Variants in RNF180 observed in about 807,000 individuals in gnomAD.
RNF180 encodes the protein ring finger protein 180, also known as E3 ubiquitin-protein ligase RNF180.
A neutral mutation model predicts 59.2 loss-of-function variants in RNF180; 38 were observed. That is an observed-to-expected ratio of 0.64 (90% CI 0.50 to 0.84). The LOEUF (loss-of-function observed/expected upper bound fraction) is 0.84. Ranked by LOEUF, RNF180 falls within the 40% of genes least tolerant of loss-of-function variation. The pLI is 0.00. For missense variants in RNF180, 705 were observed against 700.9 expected (o/e 1.01, Z -0.07); for synonymous variants, 262 against 240.3 (o/e 1.09, Z -0.84).
Position 64,256,634 on chromosome 5 carries a change from G to A in RNF180, c.1227+39238G>A, listed in dbSNP as rs560332424. Among the ~76,000 whole-genome samples the A allele has an allele frequency of 8.7e-4, 133 of 152,246 alleles. 1 individual carries two copies. The South Asian group carries it at 8.9e-3, about 10-fold the overall frequency. On this transcript the variant is annotated intron_variant, in intron 5 of 7. Transcript: ENST00000389100. ...GCAGTATAGTTTGAATTCAGGTAGC[G>A]TGATGCCTCCAGCTTTGTTCTTTTG...
chr5:64,264,476 C>A (rs1012759103), intron 5 of RNF180, among the ~76,000 whole-genome samples: 3 of 151,984 alleles, frequency 2.0e-5, no homozygotes, highest in Admixed American at 6.6e-5. Flanking sequence ...TGAGAACATG[C>A]AGTGTTTTGT....
At chr5:64,263,435 C>T (rs1380494276) in intron 5 of RNF180, among the ~76,000 whole-genome samples, 1 of 152,160 alleles carries the variant, frequency 6.6e-6, no homozygotes, top group Non-Finnish European at 1.5e-5. Flanking sequence ...TGAGTTGTCT[C>T]TAGCACATCC....
intron 5 of RNF180, among the ~76,000 whole-genome samples, chr5:64,295,578 G>C (rs574021607): frequency 6.6e-6 from 1 of 152,320 alleles, no homozygotes; most frequent in African/African-American, 2.4e-5. Flanking sequence ...TCCATGTCCT[G>C]ATACTTGTTC....
intron 7 of RNF180, among the ~76,000 whole-genome samples, chr5:64,331,301 TG>T (rs898983897): frequency 1.9e-4 from 29 of 152,320 alleles, no homozygotes; most frequent in African/African-American, 6.7e-4. Flanking sequence ...GACAGGTCCC[TG>T]GTAAAGCCCC....
intron 6 of RNF180, among the ~76,000 whole-genome samples, chr5:64,329,631 T>C (rs992262631): frequency 3.3e-5 from 5 of 152,024 alleles, no homozygotes; most frequent in African/African-American, 1.2e-4. Flanking sequence ...CTAATTTTTG[T>C]ATTTTTAGTA....
At chr5:64,194,982 G>A (rs1221871981) in intron 1 of RNF180, among the ~76,000 whole-genome samples, 1 of 152,106 alleles carries the variant, frequency 6.6e-6, no homozygotes, top group East Asian at 1.9e-4. Context: ...ATATATGTAT[G>A]TAAAATACCA....
chr5:64,325,590 T>G (rs1297030527), intron 6 of RNF180, among the ~76,000 whole-genome samples, 179 bp downstream of exon 6: 2 of 152,216 alleles, frequency 1.3e-5, no homozygotes, highest in Non-Finnish European at 2.9e-5. Flanking sequence ...TGAGAATAGA[T>G]CCTCATCTCG....
rs1746659828 is a variant in RNF180, at chr5:64,371,583, T to C, written c.*1769T>C. ...TAGGTCAGTGATACATATCAGTTTA[T>C]AGATCTCAGTCTACTAAATATTTAT... On this transcript the variant is annotated 3_prime_UTR_variant, in exon 8 of 8. Transcript: ENST00000389100. 1 of 151,612 alleles carries C rather than the reference T, an allele frequency of 6.6e-6. No homozygotes were observed. Among genetic ancestry groups the C allele is most frequent in the Admixed American group, 6.6e-5 (1 of 15,170 alleles). 9.4% of individuals were successfully genotyped at this position (151,612 alleles called of 1,614,324 possible).
intron 7 of RNF180, among the ~76,000 whole-genome samples, chr5:64,359,402 T>C (rs2112601067): frequency 6.6e-6 from 1 of 152,144 alleles, no homozygotes; most frequent in African/African-American, 2.4e-5. Flanking sequence ...TGAGCATTTT[T>C]TCATGTGTTT....
intron 5 of RNF180, among the ~76,000 whole-genome samples, chr5:64,310,882 C>A (rs891665677): frequency 6.6e-6 from 1 of 151,924 alleles, no homozygotes; most frequent in Non-Finnish European, 1.5e-5. Context: ...AACTCAGTCA[C>A]ATCAGTAATT....
At chr5:64,179,060 A>G (rs1750426997) in intron 1 of RNF180, among the ~76,000 whole-genome samples, 1 of 152,126 alleles carries the variant, frequency 6.6e-6, no homozygotes, top group South Asian at 2.1e-4. Flanking sequence ...CCCAATATAT[A>G]TCATACTTTT....
At chr5:64,335,455 ATTT>A (rs901332778) in intron 7 of RNF180, among the ~76,000 whole-genome samples, 2 of 148,870 alleles carry the variant, frequency 1.3e-5, no homozygotes, top group African/African-American at 4.9e-5. Context: ...ATTTGTGTTA[ATTT>A]TTTTTTTATT....
At chr5:64,223,834 C>T (rs148304973) in intron 5 of RNF180, among the ~76,000 whole-genome samples, 160 of 152,172 alleles carry the variant, frequency 1.1e-3, no homozygotes, top group African/African-American at 3.7e-3. Flanking sequence ...AATGAAATAT[C>T]ATCGCTTCCT....
intron 2 of RNF180, among the ~76,000 whole-genome samples, chr5:64,203,929 A>G (rs1751877877): frequency 6.6e-6 from 1 of 152,194 alleles, no homozygotes; most frequent in Admixed American, 6.5e-5. Context: ...GAAACTGCAA[A>G]AGAAATTATT....
At chr5:64,253,630 T>C (rs1472464891) in intron 5 of RNF180, among the ~76,000 whole-genome samples, 2 of 152,112 alleles carry the variant, frequency 1.3e-5, no homozygotes, top group Non-Finnish European at 1.5e-5. Flanking sequence ...TTAAAGACAA[T>C]AGAGTCTCAG....
intron 5 of RNF180, among the ~76,000 whole-genome samples, chr5:64,266,122 T>C (rs1744660591): frequency 1.3e-5 from 2 of 152,200 alleles, no homozygotes; most frequent in African/African-American, 4.8e-5. Flanking sequence ...GTTTTTGGGC[T>C]GAAACAATGG....
intron 5 of RNF180, among the ~76,000 whole-genome samples, chr5:64,218,565 T>C (rs776750470): frequency 1.3e-5 from 2 of 152,210 alleles, no homozygotes; most frequent in Admixed American, 1.3e-4. Context: ...TTTTTGACTT[T>C]CCATATAAAA....
intron 7 of RNF180, among the ~76,000 whole-genome samples, chr5:64,361,005 G>C (rs1174322297): frequency 6.6e-6 from 1 of 151,530 alleles, no homozygotes; most frequent in Non-Finnish European, 1.5e-5. Context: ...TCTGTCTTCC[G>C]AGACAGTTTG....
At chr5:64,288,321 A>G in intron 5 of RNF180, among the ~76,000 whole-genome samples, 1 of 152,148 alleles carries the variant, frequency 6.6e-6, no homozygotes, top group East Asian at 1.9e-4. Context: ...TATAGTTTGA[A>G]GTTGGGTAGT....
Sources: allele counts gnomAD v4.1 joint callset (sites outside exome capture counted in the v4.1 genomes callset), GRCh38; gene constraint gnomAD v4.1.1; transcripts MANE v1.5; gene names NCBI Gene and HGNC (gene_info 2026-07-23, HGNC 2026-07-21).